The following FASTKD1 variants were observed in gnomAD, a reference collection of about 807,000 sequenced individuals.
FASTKD1 encodes the protein FAST kinase domain-containing protein 1, mitochondrial.
A neutral mutation model predicts 90.9 loss-of-function variants in FASTKD1; 94 were observed. The observed-to-expected ratio is 1.03, with a 90% CI of 0.88 to 1.23. FASTKD1 has a LOEUF of 1.23. Among genes scored for constraint, FASTKD1 ranks in the 50% most tolerant of loss-of-function variants. The pLI, the probability that FASTKD1 is intolerant of heterozygous loss-of-function variation, is 0.00. For missense variants in FASTKD1, 945 were observed against 993.5 expected (o/e 0.95, Z 0.66); for synonymous variants, 319 against 345.8 (o/e 0.92, Z 0.86).
intron 7 of FASTKD1, among the ~76,000 whole-genome samples, chr2:169,547,884 CAAAAAAAAAAAAAAAAAA>C (rs1158292826): frequency 5.2e-4 from 11 of 21,330 alleles, no homozygotes; most frequent in South Asian, 7.3e-3. Context: ...GACTCCATCT[CAAAAAAAAAAAAAAAAAA>C]AAAAAAAAAA....
chr2:169,537,630 C>T (rs185785870), intron 11 of FASTKD1, among the ~76,000 whole-genome samples: 13 of 152,242 alleles, frequency 8.5e-5, no homozygotes, highest in Admixed American at 5.2e-4. Flanking sequence ...GTGATCTGCC[C>T]GCCTTTCAGC....
chr2:169,559,389 A>G (rs1683480127), intron 5 of FASTKD1, among the ~76,000 whole-genome samples: 1 of 152,164 alleles, frequency 6.6e-6, no homozygotes, highest in African/African-American at 2.4e-5. Context: ...TCTACTAATC[A>G]TACTTATGTG....
chr2:169,570,425 C>T (rs1455228301), intron 2 of FASTKD1, among the ~76,000 whole-genome samples: 1 of 152,040 alleles, frequency 6.6e-6, no homozygotes, highest in Non-Finnish European at 1.5e-5. Context: ...TCCACTGACA[C>T]CAAGGAAGCC....
At chr2:169,567,463 A>T (rs1358800749) in intron 3 of FASTKD1, among the ~76,000 whole-genome samples, 2 of 152,216 alleles carry the variant, frequency 1.3e-5, no homozygotes, top group Non-Finnish European at 2.9e-5. Flanking sequence ...ATAGGTAGAG[A>T]GTATAAAAGA....
At chr2:169,545,827 T>C (rs1685165330) in intron 8 of FASTKD1, among the ~76,000 whole-genome samples, 1 of 152,226 alleles carries the variant, frequency 6.6e-6, no homozygotes, top group African/African-American at 2.4e-5. Flanking sequence ...ATCTTAATAC[T>C]GTAATGAACC....
chr2:169,546,839 C>T (rs1032780176), intron 7 of FASTKD1, 135 bp from the exon 8 acceptor site: 1 of 880,566 alleles, frequency 1.1e-6, no homozygotes, highest in African/African-American at 1.7e-5. Flanking sequence ...TATGTTTCTC[C>T]TCTAATCTCA....
chr2:169,567,462 G>T (rs951865280), intron 3 of FASTKD1, among the ~76,000 whole-genome samples: 2 of 152,142 alleles, frequency 1.3e-5, no homozygotes, highest in African/African-American at 4.8e-5. Flanking sequence ...TATAGGTAGA[G>T]AGTATAAAAG....
At chr2:169,560,839 C>CTT (rs1204635514) in intron 4 of FASTKD1, 54 bp from the exon 5 acceptor site, 3,163 of 247,748 alleles carry the variant, frequency 0.013, 3 homozygotes, top group South Asian at 0.018. Context: ...ATGATCAATT[C>CTT]TTTTTTTTTT....
chr2:169,542,728 C>A (rs1685008664), intron 9 of FASTKD1, among the ~76,000 whole-genome samples: 1 of 152,088 alleles, frequency 6.6e-6, no homozygotes, highest in Non-Finnish European at 1.5e-5. Context: ...TTTTAAAGAC[C>A]TTTTTAAGAG....
intron 6 of FASTKD1, among the ~76,000 whole-genome samples, chr2:169,556,618 G>A (rs911197681): frequency 1.1e-4 from 16 of 152,052 alleles, no homozygotes; most frequent in African/African-American, 3.9e-4. Context: ...GAGGTCAGGA[G>A]CTCCAGACCA....
intron 5 of FASTKD1, among the ~76,000 whole-genome samples, chr2:169,558,640 G>A (rs1431474007): frequency 2.0e-5 from 3 of 151,844 alleles, no homozygotes; most frequent in Admixed American, 6.6e-5. Context: ...TACTAGAAAC[G>A]GGGTTTCACC....
intron 2 of FASTKD1, among the ~76,000 whole-genome samples, chr2:169,570,094 A>C (rs1242310086): frequency 6.6e-6 from 1 of 152,158 alleles, no homozygotes; most frequent in Non-Finnish European, 1.5e-5. Context: ...TACAAAAACA[A>C]CTTACACGTC....
Position 169,546,631 on chromosome 2 carries a change from G to A in FASTKD1, c.1288C>T (p.His430Tyr), listed in dbSNP as rs1685216190. 5 of 1,613,930 alleles carry A rather than the reference G, an allele frequency of 3.1e-6. No homozygotes were observed. Among genetic ancestry groups the A allele is most frequent in the African/African-American group, 1.3e-5 (1 of 74,906 alleles). ...VRAISLLPSPHLDEVGISRIE... is the reference protein window; with the variant it reads ...VRAISLLPSPYLDEVGISRIE... ...CGGGATATCCCCACTTCGTCCAAGTGAGGAGAAGGGAGCAGGGAAATAGCA... is the reference window on the plus strand; with the variant it reads ...CGGGATATCCCCACTTCGTCCAAGTAAGGAGAAGGGAGCAGGGAAATAGCA... The change falls in exon 8 of 15, where the codon CAC (histidine) becomes TAC (tyrosine). Residue 430 changes from histidine to tyrosine, a missense_variant. Physicochemically the swap from His to Tyr is moderately conservative, Grantham distance 83. Transcript: ENST00000453153.
chr2:169,534,330 A>G (rs542850260), intron 12 of FASTKD1, among the ~76,000 whole-genome samples: 3 of 151,836 alleles, frequency 2.0e-5, no homozygotes, highest in South Asian at 4.2e-4. Context: ...CCATGGGAGG[A>G]CACAGCATTC....
intron 2 of FASTKD1, among the ~76,000 whole-genome samples, chr2:169,570,783 C>T (rs569710023): frequency 6.6e-6 from 1 of 150,382 alleles, no homozygotes; most frequent in East Asian, 2.0e-4. Context: ...TCAAGAGATT[C>T]TCCTGCCTCA....
intron 4 of FASTKD1, 22 bp downstream of exon 4, chr2:169,563,203 A>C: frequency 6.2e-7 from 1 of 1,605,508 alleles, no homozygotes; most frequent in Non-Finnish European, 8.5e-7. Context: ...ACCACAACAC[A>C]AGATTCCCTA....
intron 7 of FASTKD1, among the ~76,000 whole-genome samples, chr2:169,553,877 G>A (rs987869880): frequency 3.3e-5 from 5 of 151,974 alleles, no homozygotes; most frequent in African/African-American, 9.7e-5. Flanking sequence ...AGCTGAGATC[G>A]TGCCACTGCA....
intron 4 of FASTKD1, among the ~76,000 whole-genome samples, chr2:169,561,697 ATTAAT>A (rs1470862525): frequency 4.1e-5 from 6 of 147,838 alleles, no homozygotes; most frequent in African/African-American, 7.3e-5. Flanking sequence ...ATTATAAATT[ATTAAT>A]CTATTATAAA....
Position 169,562,060 on chromosome 2 carries a change from A to T in FASTKD1, c.572+1165T>A, listed in dbSNP as rs1404869241. ...ATTTATTGTAAATTAATTATTTATT[A>T]ATTTATTGTAAAATAATTATTTATT... On this transcript the variant is annotated intron_variant, in intron 4 of 14. Coordinates refer to ENST00000453153, the MANE Select transcript of FASTKD1 (RefSeq NM_024622.6). 2.3e-5 allele frequency among the ~76,000 whole-genome samples: 3 copies of T among 129,814 alleles called. 1 individual carries two copies. Among genetic ancestry groups the T allele is most frequent in the Non-Finnish European group, 4.8e-5 (3 of 62,312 alleles). The allele number at this position is 129,814 out of a possible 152,430, so 85.2% of individuals were successfully genotyped here.
Sources: gnomAD v4.1 joint callset for allele counts (sites outside exome capture counted in the v4.1 genomes callset) on GRCh38, gnomAD v4.1.1 for gene constraint, MANE v1.5 for transcripts, NCBI Gene and HGNC (gene_info 2026-07-23, HGNC 2026-07-21) for gene names.